The following ARHGEF33 variants were observed in gnomAD, a reference collection of about 807,000 sequenced individuals.
The protein encoded by ARHGEF33 is Rho guanine nucleotide exchange factor 33.
A neutral mutation model predicts 101.9 loss-of-function variants in ARHGEF33; 72 were observed. That is an observed-to-expected ratio of 0.71 (90% CI 0.58 to 0.86). ARHGEF33 has a LOEUF of 0.86. Ranked by LOEUF, ARHGEF33 falls within the 40% of genes least tolerant of loss-of-function variation. ARHGEF33 has a pLI of 0.00. For missense variants in ARHGEF33, 1,169 were observed against 1,111.3 expected, an observed-to-expected ratio of 1.05 and a Z score of -0.74; for synonymous variants, 499 against 442.5, an observed-to-expected ratio of 1.13 and a Z score of -1.60.
intron 10 of ARHGEF33, among the ~76,000 whole-genome samples, chr2:38,946,050 C>CTA (rs1654816376): frequency 6.6e-6 from 1 of 152,212 alleles, no homozygotes; most frequent in South Asian, 2.1e-4. Context: ...TTGTCTCTTC[C>CTA]TATTTCAAAA....
At chr2:38,917,609 G>A (rs1228990014) in intron 2 of ARHGEF33, among the ~76,000 whole-genome samples, 1 of 151,686 alleles carries the variant, frequency 6.6e-6, no homozygotes, top group Non-Finnish European at 1.5e-5. Context: ...GAGGGGAGTC[G>A]CTTGAGCCCA....
At chr2:38,932,568 A>T (rs1238088979) in intron 7 of ARHGEF33, among the ~76,000 whole-genome samples, 3 of 152,204 alleles carry the variant, frequency 2.0e-5, no homozygotes, top group Non-Finnish European at 2.9e-5. Context: ...CTAAGACATG[A>T]ACAGCTCTAC....
intron 17 of ARHGEF33, chr2:38,971,960 T>C (rs1668175224): frequency 2.8e-6 from 2 of 718,502 alleles, no homozygotes; most frequent in Admixed American, 4.0e-5. Context: ...CACTAAACAG[T>C]TGCATGTTGG....
At chr2:38,945,047 A>C (rs991448368) in intron 10 of ARHGEF33, among the ~76,000 whole-genome samples, 6 of 152,224 alleles carry the variant, frequency 3.9e-5, no homozygotes, top group Non-Finnish European at 8.8e-5. Flanking sequence ...GACTTGGTGA[A>C]AAAGATTAAT....
chr2:38,919,571 C>G, intron 3 of ARHGEF33, 99 bp downstream of exon 3: 1 of 1,226,902 alleles, frequency 8.2e-7, no homozygotes, highest in Non-Finnish European at 1.2e-6. Context: ...AGTATGTTAA[C>G]TATTTTCATT....
chr2:38,971,183 C>T (rs919677968), intron 17 of ARHGEF33, among the ~76,000 whole-genome samples: 1 of 152,226 alleles, frequency 6.6e-6, no homozygotes, highest in African/African-American at 2.4e-5. Flanking sequence ...CAACTACCCC[C>T]ATCCCCAGCT....
At chr2:38,923,150 A>G (rs17422817) in intron 4 of ARHGEF33, among the ~76,000 whole-genome samples, 7,186 of 152,268 alleles carry the variant, frequency 0.047, 208 homozygotes, top group Middle Eastern at 0.065. Context: ...TTATTGCACT[A>G]CAAATCCTAG....
At chr2:38,905,420 A>G (rs1437770847) in intron 2 of ARHGEF33, among the ~76,000 whole-genome samples, 2 of 152,220 alleles carry the variant, frequency 1.3e-5, no homozygotes, top group African/African-American at 4.8e-5. Context: ...GTGTTACCAC[A>G]CTGCTGAGTG....
chr2:38,956,892 C>G lies in ARHGEF33; in HGVS notation c.1222-7C>G, dbSNP rs1370835495. ...TGCAATGCTACTTCCTTTTCCCCTCCATCCAGAACGTCCTGAAGTTCACAG... is the reference window on the plus strand; with the variant it reads ...TGCAATGCTACTTCCTTTTCCCCTCGATCCAGAACGTCCTGAAGTTCACAG... On this transcript the variant is annotated splice_polypyrimidine_tract_variant and splice_region_variant and intron_variant, in intron 13 of 17. Transcript: ENST00000409978. The G allele has an allele frequency of 1.9e-6, 3 of 1,551,782 alleles. No homozygotes were observed. Among genetic ancestry groups the G allele is most frequent in the Non-Finnish European group, 1.7e-6 (2 of 1,146,798 alleles).
chr2:38,903,235 A>G (rs907483663), intron 2 of ARHGEF33, among the ~76,000 whole-genome samples: 1 of 152,062 alleles, frequency 6.6e-6, no homozygotes, highest in African/African-American at 2.4e-5. Flanking sequence ...AATTAATAGT[A>G]CATTAAAAAA....
At chr2:38,931,785 A>C (rs1395119341) in intron 7 of ARHGEF33, among the ~76,000 whole-genome samples, 1 of 152,246 alleles carries the variant, frequency 6.6e-6, no homozygotes, top group African/African-American at 2.4e-5. Flanking sequence ...CAGGAAAAGT[A>C]AAAACAAAAA....
At chr2:38,901,863 C>G (rs1257903087) in intron 2 of ARHGEF33, among the ~76,000 whole-genome samples, 1 of 152,168 alleles carries the variant, frequency 6.6e-6, no homozygotes, top group Non-Finnish European at 1.5e-5. Flanking sequence ...CGCCTGTAAT[C>G]CCAGCACTTT....
In ARHGEF33 at chr2:38,900,237, T is replaced by C. The variant is rs569306316; in HGVS notation, c.-86+4388T>C. Among the ~76,000 whole-genome samples the C allele has an allele frequency of 1.8e-4, 27 of 152,234 alleles. No individual in the cohort carries two copies. The South Asian group carries it at 5.4e-3, about 30-fold the overall frequency. ...AATACATAGAGACTATTGCCTATAA[T>C]TCCTGGTAGGAAGAAATACCAATAA... On this transcript the variant is annotated intron_variant, in intron 2 of 17. Coordinates refer to ENST00000409978, the MANE Select transcript of ARHGEF33 (RefSeq NM_001145451.5).
chr2:38,949,312 C>T (rs1419872142), intron 10 of ARHGEF33, among the ~76,000 whole-genome samples: 3 of 152,112 alleles, frequency 2.0e-5, no homozygotes, highest in East Asian at 3.9e-4. Flanking sequence ...GTTAAACTTG[C>T]GGTGCTGAAA....
At chr2:38,924,895 TAGTATGAC>T (rs1666838756) in intron 4 of ARHGEF33, among the ~76,000 whole-genome samples, 1 of 152,126 alleles carries the variant, frequency 6.6e-6, no homozygotes, top group Admixed American at 6.6e-5. Context: ...AACAAAAACA[TAGTATGAC>T]AGCATTAGTT....
chr2:38,940,003 T>A (rs1667262849), intron 9 of ARHGEF33, among the ~76,000 whole-genome samples: 1 of 152,234 alleles, frequency 6.6e-6, no homozygotes, highest in South Asian at 2.1e-4. Context: ...GGCTCCAGGT[T>A]CATTTTTTTT....
intron 1 of ARHGEF33, among the ~76,000 whole-genome samples, chr2:38,891,926 G>A (rs909941175): frequency 6.6e-6 from 1 of 152,070 alleles, no homozygotes; most frequent in Non-Finnish European, 1.5e-5. Flanking sequence ...TAAGATGAAC[G>A]AAACAAATCA....
chr2:38,959,239 T>C (rs1667850300), intron 15 of ARHGEF33: 1 of 152,212 alleles, frequency 6.6e-6, no homozygotes. Flanking sequence ...CTTTTACATG[T>C]TGGTAATTCT....
intron 12 of ARHGEF33, among the ~76,000 whole-genome samples, 152 bp downstream of exon 12, chr2:38,953,397 G>A (rs1040146087): frequency 6.6e-6 from 1 of 152,176 alleles, no homozygotes; most frequent in African/African-American, 2.4e-5. Context: ...TGGCATTAAA[G>A]GAACTCACTT....
Sources: gnomAD v4.1 joint callset for allele counts (sites outside exome capture counted in the v4.1 genomes callset) on GRCh38, gnomAD v4.1.1 for gene constraint, MANE v1.5 for transcripts, NCBI Gene and HGNC (gene_info 2026-07-23, HGNC 2026-07-21) for gene names.